Variants in ECM2 observed in about 807,000 individuals in gnomAD.
ECM2 encodes the protein extracellular matrix protein 2, female organ and adipocyte specific.
Under a neutral mutation model 67.5 loss-of-function variants are expected in ECM2, and 57 were observed. The observed-to-expected ratio is 0.84, with a 90% CI of 0.68 to 1.05. ECM2 has a LOEUF of 1.05. ECM2 is among the 50% of genes least tolerant of loss of function. The pLI, the probability that ECM2 is intolerant of heterozygous loss-of-function variation, is 0.00. For missense variants in ECM2, 741 were observed against 822.8 expected, an observed-to-expected ratio of 0.90 and a Z score of 1.22; for synonymous variants, 258 against 294.5, an observed-to-expected ratio of 0.88 and a Z score of 1.27.
intron 3 of ECM2, 188 bp downstream of exon 3, chr9:92,517,499 G>T: frequency 1.4e-6 from 1 of 736,200 alleles, no homozygotes; most frequent in Non-Finnish European, 2.2e-6. Context: ...TAAAGCCACA[G>T]TCTATTATTT....
At chr9:92,539,448 AT>A (rs1228686981), upstream of ECM2, among the ~76,000 whole-genome samples, 2 of 147,972 alleles carry the variant, frequency 1.4e-5, no homozygotes, top group Admixed American at 1.4e-4. Flanking sequence ...TTTGAGTCCC[AT>A]TTATCTAGTA....
the ECM2 span, among the ~76,000 whole-genome samples, chr9:92,557,223 C>T: frequency 3.3e-5 from 5 of 152,258 alleles, no homozygotes; most frequent in East Asian, 7.7e-4. Flanking sequence ...TTGTAGGTTA[C>T]CTGGTGCTTC....
chr9:92,515,092 G>C lies in ECM2; in HGVS notation c.593C>G (p.Pro198Arg). 1 of 1,614,072 alleles carries C rather than the reference G, an allele frequency of 6.2e-7. No homozygotes were observed. Among genetic ancestry groups the C allele is most frequent in the African/African-American group, 1.3e-5 (1 of 75,026 alleles). ...TNLLHKQLPP[P>R]QVGMDRIVRK... Reference sequence around the variant, plus strand: ...TACTATTCGGTCCATTCCCACCTGAGGAGGTGGCAGTTGCTTATGAAGTAA... The same window carrying C: ...TACTATTCGGTCCATTCCCACCTGACGAGGTGGCAGTTGCTTATGAAGTAA... Residue 198 changes from proline (P) to arginine (R), a missense_variant, in exon 4 of 10, where the codon CCT becomes CGT. Pro to Arg is a moderately radical substitution (Grantham distance 103, BLOSUM62 -2). Transcript: ENST00000344604.
At position 92,500,936 on chromosome 9, in the gene ECM2, A is replaced by G; in HGVS notation, c.1722T>C (p.Tyr574=). ...GGCCTGGTTCCATGTGGCCAAACAC[A>G]TAGCCAGGGATCCGTTCAATCTGGT... The part of the protein sequence containing the change: ...LGNQIERIPG[Y]VFGHMEPGLE... Residue 574 remains tyrosine (Y), a synonymous_variant, in exon 9 of 10, where the codon TAT becomes TAC. Coordinates refer to ENST00000344604, the MANE Select transcript of ECM2 (RefSeq NM_001393.4). 6.2e-7 allele frequency: 1 copy of G among 1,614,228 alleles called. No individual in the cohort carries two copies. Among genetic ancestry groups the G allele is most frequent in the Non-Finnish European group, 8.5e-7 (1 of 1,180,046 alleles).
chr9:92,514,909 C>T lies in ECM2; in HGVS notation c.776G>A (p.Arg259Lys), dbSNP rs781141251. The change falls in exon 4 of 10, where the codon AGG becomes AAG. Residue 259 changes from arginine (R) to lysine (K), a missense_variant. Coordinates refer to ENST00000344604, the MANE Select transcript of ECM2 (RefSeq NM_001393.4). ...DRKQRPGEERRLAHQQQRQGR... is the reference protein window; with the variant it reads ...DRKQRPGEERKLAHQQQRQGR... ...TTGGCGTTGTTGCTGGTGTGCCAGC[C>T]TCCTCTCCTCTCCAGGCCTCTGCTT... The T allele has an allele frequency of 1.3e-5, 21 of 1,593,724 alleles. No individual in the cohort carries two copies. The highest frequency in any genetic ancestry group is 1.7e-5 in the Non-Finnish European group (20 of 1,161,590).
chr9:92,518,055 G>A (rs1462927467), intron 2 of ECM2, among the ~76,000 whole-genome samples, 180 bp from the exon 3 acceptor site: 1 of 152,154 alleles, frequency 6.6e-6, no homozygotes, highest in Non-Finnish European at 1.5e-5. Flanking sequence ...GCTTTTCACA[G>A]GCTCTCCTCT....
chr9:92,550,662 C>A, the ECM2 span, among the ~76,000 whole-genome samples: 3 of 151,738 alleles, frequency 2.0e-5, no homozygotes, highest in African/African-American at 7.3e-5. Flanking sequence ...AGGGTTGAGG[C>A]AAGAGTACAA....
rs1400209071 is a variant in ECM2 at position 92,514,958 on chromosome 9, C to T, written c.727G>A (p.Gly243Arg). 2 of 1,613,982 alleles carry T rather than the reference C, an allele frequency of 1.2e-6. No individual in the cohort carries two copies. The highest frequency in any genetic ancestry group is 8.5e-7 in the Non-Finnish European group (1 of 1,180,008). ...SRNQGQLYSE[G>R]DSRGGDRKQR... ...TTTCTGTCTCCTCCTCTGCTGTCCC[C>T]CTCACTGTAAAGTTGCCCCTGATTT... The change falls in exon 4 of 10, where the codon GGG (glycine) becomes AGG (arginine). Residue 243 changes from glycine (G) to arginine (R), a missense_variant. Gly to Arg is a moderately radical substitution (Grantham distance 125, BLOSUM62 -2). Coordinates refer to ENST00000344604, the MANE Select transcript of ECM2 (RefSeq NM_001393.4).
At chr9:92,498,803 A>G (rs879600902) in intron 9 of ECM2, among the ~76,000 whole-genome samples, 4 of 152,236 alleles carry the variant, frequency 2.6e-5, no homozygotes, top group Non-Finnish European at 4.4e-5. Context: ...AGATCATCCA[A>G]GTTAATATTG....
chr9:92,493,908 G>T, downstream of ECM2: 1 of 464,794 alleles, frequency 2.2e-6, no homozygotes. Flanking sequence ...CAAGCCCACA[G>T]TGCGTCTGCT....
At chr9:92,542,246 GTTAT>G in the ECM2 span, among the ~76,000 whole-genome samples, 5 of 152,056 alleles carry the variant, frequency 3.3e-5, no homozygotes, top group Admixed American at 3.3e-4. Flanking sequence ...TCTTGATTGG[GTTAT>G]TTGTTTTCTT....
chr9:92,554,188 CTT>C, the ECM2 span, among the ~76,000 whole-genome samples: 1 of 146,644 alleles, frequency 6.8e-6, no homozygotes. Flanking sequence ...GTTTTTAATT[CTT>C]TTTTTTTTTT....
chr9:92,529,916 C>T (rs999551430), intron 1 of ECM2, among the ~76,000 whole-genome samples: 1 of 152,080 alleles, frequency 6.6e-6, no homozygotes. Context: ...CAACCATGAG[C>T]GAAAAATGTA....
In ECM2 at chr9:92,500,826, C is replaced by A. The variant is rs778464812; in HGVS notation, c.1832G>T (p.Arg611Ile). The A allele has an allele frequency of 6.2e-7, 1 of 1,614,194 alleles. No individual in the cohort carries two copies. Among genetic ancestry groups the A allele is most frequent in the Non-Finnish European group, 8.5e-7 (1 of 1,180,036 alleles). The change falls in exon 9 of 10, where the codon AGA (arginine) becomes ATA (isoleucine). Residue 611 changes from arginine (R) to isoleucine (I), a missense_variant. Coordinates refer to ENST00000344604, the MANE Select transcript of ECM2 (RefSeq NM_001393.4). Reference protein sequence around the residue: ...VSFYGAYHSLRELFLDHNDLK... With the variant: ...VSFYGAYHSLIELFLDHNDLK... Reference sequence around the variant, plus strand: ...GTCATTGTGATCCAGAAATAATTCTCTCAGAGAATGATATGCCCCATAGAA... The same window carrying A: ...GTCATTGTGATCCAGAAATAATTCTATCAGAGAATGATATGCCCCATAGAA...
intron 6 of ECM2, among the ~76,000 whole-genome samples, chr9:92,509,149 C>T (rs142525752): frequency 2.0e-5 from 3 of 151,788 alleles, no homozygotes; most frequent in Non-Finnish European, 4.4e-5. Flanking sequence ...ACATGGGGCA[C>T]GCTCACTAAA....
chr9:92,540,160 C>T (rs944679166), upstream of ECM2, among the ~76,000 whole-genome samples: 10 of 152,126 alleles, frequency 6.6e-5, no homozygotes, highest in Non-Finnish European at 5.9e-5. Context: ...TGAGATCAGC[C>T]GGGCGCGGTG....
At chr9:92,529,874 TA>T (rs1848641843) in intron 1 of ECM2, among the ~76,000 whole-genome samples, 1 of 152,208 alleles carries the variant, frequency 6.6e-6, no homozygotes. Flanking sequence ...GTCAGCCCTT[TA>T]TATCACAGGT....
At chr9:92,557,488 C>G in the ECM2 span, among the ~76,000 whole-genome samples, 1 of 152,118 alleles carries the variant, frequency 6.6e-6, no homozygotes, top group African/African-American at 2.4e-5. Context: ...TAACATAATC[C>G]CAGACTTCTT....
chr9:92,514,958 C>A lies in ECM2; in HGVS notation c.727G>T (p.Gly243Trp), dbSNP rs1400209071. 1.2e-6 allele frequency: 2 copies of A among 1,613,982 alleles called. No individual in the cohort carries two copies. The highest frequency in any genetic ancestry group is 2.7e-5 in the African/African-American group (2 of 74,908). ...TTTCTGTCTCCTCCTCTGCTGTCCC[C>A]CTCACTGTAAAGTTGCCCCTGATTT... is the stretch of plus-strand genomic sequence containing the variant. ...SRNQGQLYSE[G>W]DSRGGDRKQR... is the part of the protein sequence containing the mutation. The change falls in exon 4 of 10, where the codon GGG becomes TGG. Residue 243 changes from glycine (G) to tryptophan (W), a missense_variant. Gly to Trp is a radical substitution (Grantham distance 184). Transcript: ENST00000344604.
Sources: gnomAD v4.1 joint callset for allele counts (sites outside exome capture counted in the v4.1 genomes callset) on GRCh38, gnomAD v4.1.1 for gene constraint, MANE v1.5 for transcripts, NCBI Gene and HGNC (gene_info 2026-07-23, HGNC 2026-07-21) for gene names.